Variants in CLNK observed in about 807,000 individuals in gnomAD.
CLNK encodes cytokine dependent hematopoietic cell linker.
A neutral mutation model predicts 68.6 loss-of-function variants in CLNK; 74 were observed. That is an observed-to-expected ratio of 1.08 (90% CI 0.89 to 1.31). CLNK has a LOEUF of 1.31. Among genes scored for constraint, CLNK ranks in the 50% most tolerant of loss-of-function variants. The pLI, the probability that CLNK is intolerant of heterozygous loss-of-function variation, is 0.00. For missense variants in CLNK, 553 were observed against 515.3 expected, an observed-to-expected ratio of 1.07 and a Z score of -0.71; for synonymous variants, 198 against 172.2, an observed-to-expected ratio of 1.15 and a Z score of -1.17.
At chr4:10,585,009 C>T in intron 3 of CLNK, 54 bp from the exon 4 acceptor site, 1 of 1,593,408 alleles carries the variant, frequency 6.3e-7, no homozygotes, top group Non-Finnish European at 8.6e-7. Flanking sequence ...CTCCACCGAC[C>T]CCCCGCCACA....
chr4:10,641,207 G>T (rs946688188), intron 2 of CLNK, among the ~76,000 whole-genome samples: 1 of 152,098 alleles, frequency 6.6e-6, no homozygotes, highest in Non-Finnish European at 1.5e-5. Context: ...GTGTGGGGAG[G>T]CTTACTCAGT....
the CLNK span, among the ~76,000 whole-genome samples, chr4:10,729,861 A>C: frequency 6.6e-6 from 1 of 152,264 alleles, no homozygotes; most frequent in Non-Finnish European, 1.5e-5. Context: ...TAATTCTTGC[A>C]AATATGAAAG....
chr4:10,549,150 G>T (rs376748440), intron 8 of CLNK, among the ~76,000 whole-genome samples: 114 of 152,218 alleles, frequency 7.5e-4, no homozygotes, highest in African/African-American at 2.5e-3. Context: ...AAAAATCCAC[G>T]GGGATTTCAG....
chr4:10,679,496 A>G (rs1364698937), intron 1 of CLNK, among the ~76,000 whole-genome samples: 3 of 152,228 alleles, frequency 2.0e-5, no homozygotes, highest in African/African-American at 7.2e-5. Flanking sequence ...CATGGCAACA[A>G]AAGCCAAAAT....
rs116226278 is a variant in CLNK, at chr4:10,607,206, C to T, written c.12-9157G>A. 3.8e-3 allele frequency among the ~76,000 whole-genome samples: 576 copies of T among 152,264 alleles called. 3 individuals carry two copies. Among genetic ancestry groups the T allele is most frequent in the African/African-American group, 0.013 (553 of 41,546 alleles). On this transcript the variant is annotated intron_variant, in intron 2 of 18. Coordinates refer to ENST00000226951, the MANE Select transcript of CLNK (RefSeq NM_052964.4). Reference sequence around the variant, plus strand: ...CTGTGCTGATGGAGCTCACAAGAGTCGAGCAAGGCTTTGAGCTGGTTTCTG... The same window carrying T: ...CTGTGCTGATGGAGCTCACAAGAGTTGAGCAAGGCTTTGAGCTGGTTTCTG...
rs561550855 is a variant in CLNK, at chr4:10,597,964, G to A, written c.83+14C>T. The A allele has an allele frequency of 1.3e-6, 2 of 1,539,690 alleles. No homozygotes were observed. The highest frequency in any genetic ancestry group is 2.4e-5 in the South Asian group (2 of 83,534). ...TTTTCACTCCTCTATTAATAAACAAGTAAATATTCTGACCTGTTTTTTGGC... is the reference window on the plus strand; with the variant it reads ...TTTTCACTCCTCTATTAATAAACAAATAAATATTCTGACCTGTTTTTTGGC... On this transcript the variant is annotated intron_variant, in intron 3 of 18. Coordinates refer to ENST00000226951, the MANE Select transcript of CLNK (RefSeq NM_052964.4).
intron 13 of CLNK, among the ~76,000 whole-genome samples, chr4:10,527,675 C>T (rs1280002192): frequency 6.6e-6 from 1 of 152,068 alleles, no homozygotes; most frequent in Admixed American, 6.5e-5. Flanking sequence ...GGTATGGGCA[C>T]GTGTGTACAT....
At chr4:10,649,295 C>T (rs1023079728) in intron 2 of CLNK, among the ~76,000 whole-genome samples, 3 of 152,104 alleles carry the variant, frequency 2.0e-5, no homozygotes, top group Non-Finnish European at 1.5e-5. Flanking sequence ...TTTTAAGCAA[C>T]TAATTTTCAG....
At chr4:10,672,530 C>T (rs1437162395) in intron 1 of CLNK, among the ~76,000 whole-genome samples, 2 of 152,090 alleles carry the variant, frequency 1.3e-5, no homozygotes, top group Non-Finnish European at 2.9e-5. Context: ...TGCCTTATAT[C>T]ACTTTAAGTG....
At position 10,566,023 on chromosome 4, in the gene CLNK, T is replaced by C. The variant is rs1661493565; in HGVS notation, c.278A>G (p.Glu93Gly). 6.2e-7 allele frequency: 1 copy of C among 1,613,846 alleles called. No individual in the cohort carries two copies. Among genetic ancestry groups the C allele is most frequent in the African/African-American group, 1.3e-5 (1 of 75,040 alleles). Residue 93 changes from glutamate (E) to glycine (G), a missense_variant, in exon 6 of 19, where the codon GAA becomes GGA. Glu to Gly is a moderately conservative substitution (Grantham distance 98, BLOSUM62 -2). Transcript: ENST00000226951. ...CCAAACGTTACCTGCATATTCAGAT[T>C]CCTTTATAGGCCGGGCTGGTAAAAT... is the stretch of plus-strand genomic sequence containing the variant. ...IKILPARPIKESEYADTHYFK... is the reference protein window; with the variant it reads ...IKILPARPIKGSEYADTHYFK...
At chr4:10,704,920 C>T in the CLNK span, among the ~76,000 whole-genome samples, 1 of 152,196 alleles carries the variant, frequency 6.6e-6, no homozygotes, top group South Asian at 2.1e-4. Context: ...CTCTTAAATT[C>T]AGTCCTAAAT....
chr4:10,496,811 C>T (rs1214309349), intron 18 of CLNK, among the ~76,000 whole-genome samples: 2 of 152,184 alleles, frequency 1.3e-5, no homozygotes, highest in Admixed American at 6.5e-5. Flanking sequence ...ACTTCATCCT[C>T]TTGGTTTACA....
At chr4:10,681,413 T>C (rs895321650) in intron 1 of CLNK, among the ~76,000 whole-genome samples, 1 of 152,188 alleles carries the variant, frequency 6.6e-6, no homozygotes, top group Non-Finnish European at 1.5e-5. Context: ...TCAGCCCTTA[T>C]CTTTATCTTA....
intron 2 of CLNK, among the ~76,000 whole-genome samples, chr4:10,647,614 T>C (rs543998002): frequency 2.0e-5 from 3 of 152,156 alleles, no homozygotes; most frequent in Non-Finnish European, 4.4e-5. Flanking sequence ...AGGATACAGA[T>C]ATGAGATTCT....
the CLNK span, among the ~76,000 whole-genome samples, chr4:10,728,069 A>G: frequency 6.6e-6 from 1 of 152,202 alleles, no homozygotes; most frequent in Non-Finnish European, 1.5e-5. Context: ...GTCTGGAGAC[A>G]TATTTGGTTG....
At chr4:10,492,206 C>A (rs1194579991) in intron 18 of CLNK, among the ~76,000 whole-genome samples, 1 of 152,070 alleles carries the variant, frequency 6.6e-6, no homozygotes, top group Non-Finnish European at 1.5e-5. Context: ...GAGGATGAGA[C>A]CAGGAATGAA....
intron 2 of CLNK, among the ~76,000 whole-genome samples, chr4:10,623,960 A>G (rs1377165197): frequency 6.6e-6 from 1 of 152,290 alleles, no homozygotes; most frequent in Non-Finnish European, 1.5e-5. Flanking sequence ...GTTAAATGTT[A>G]CATGCAGCAA....
upstream of CLNK, chr4:10,685,110 A>C (rs1321297503): frequency 6.6e-6 from 1 of 152,184 alleles, no homozygotes; most frequent in African/African-American, 2.4e-5. Flanking sequence ...ATTAACTATC[A>C]TCTTTTGGCT....
intron 4 of CLNK, among the ~76,000 whole-genome samples, chr4:10,572,622 G>T (rs566759097): frequency 6.6e-6 from 1 of 152,308 alleles, no homozygotes; most frequent in South Asian, 2.1e-4. Context: ...TATGTGAGAA[G>T]TTTCAGGTCT....
Sources: gnomAD v4.1 joint callset for allele counts (sites outside exome capture counted in the v4.1 genomes callset) on GRCh38, gnomAD v4.1.1 for gene constraint, MANE v1.5 for transcripts, NCBI Gene and HGNC (gene_info 2026-07-23, HGNC 2026-07-21) for gene names.